GJB7: variants seen among roughly 807,000 people sequenced by gnomAD.
GJB7 encodes gap junction protein beta 7.
For synonymous variants in GJB7, 87 were observed against 95.2 expected (o/e 0.91, Z 0.50); for missense variants, 253 against 256.8 (o/e 0.99, Z 0.10).
intron 2 of GJB7, among the ~76,000 whole-genome samples, chr6:87,288,412 G>T (rs937519037): frequency 6.6e-6 from 1 of 152,134 alleles, no homozygotes; most frequent in African/African-American, 2.4e-5. Flanking sequence ...ACATCTGGAA[G>T]GTTACCATGT....
At chr6:87,290,337 C>G (rs1014613047) in intron 2 of GJB7, among the ~76,000 whole-genome samples, 17 of 152,110 alleles carry the variant, frequency 1.1e-4, no homozygotes, top group Non-Finnish European at 1.9e-4. Flanking sequence ...TCATCTAACC[C>G]CTGAAGAAAA....
chr6:87,310,648 GAAATA>G (rs1006022869), intron 2 of GJB7, among the ~76,000 whole-genome samples: 3 of 147,310 alleles, frequency 2.0e-5, no homozygotes, highest in African/African-American at 8.0e-5. Context: ...AAAACATATT[GAAATA>G]AAAAAAAATA....
At chr6:87,324,537 C>A (rs1182153569) in intron 1 of GJB7, among the ~76,000 whole-genome samples, 1 of 150,832 alleles carries the variant, frequency 6.6e-6, no homozygotes, top group East Asian at 1.9e-4. Context: ...ATCCTTTCCC[C>A]ATTGCTTGTT....
chr6:87,298,893 G>A (rs900483342), intron 2 of GJB7: 28 of 412,354 alleles, frequency 6.8e-5, no homozygotes, highest in Non-Finnish European at 1.1e-4. Flanking sequence ...TACTGCTTCA[G>A]GGTGTAGACT....
chr6:87,308,781 A>G (rs1363761217), intron 2 of GJB7, among the ~76,000 whole-genome samples: 2 of 152,146 alleles, frequency 1.3e-5, no homozygotes, highest in Admixed American at 6.5e-5. Context: ...AAAACCAGAG[A>G]CAGAGAAGAC....
chr6:87,293,202 T>A (rs942028931), intron 2 of GJB7, among the ~76,000 whole-genome samples: 2 of 152,120 alleles, frequency 1.3e-5, no homozygotes, highest in African/African-American at 4.8e-5. Context: ...CAGCTAATTT[T>A]TTTATTTTTA....
chr6:87,307,504 A>G (rs1239883851), intron 2 of GJB7, among the ~76,000 whole-genome samples: 1 of 152,234 alleles, frequency 6.6e-6, no homozygotes, highest in Non-Finnish European at 1.5e-5. Flanking sequence ...TCCAGAATCT[A>G]CAAGGAACTC....
intron 2 of GJB7, among the ~76,000 whole-genome samples, chr6:87,305,006 G>C (rs1776401468): frequency 1.3e-5 from 2 of 152,162 alleles, no homozygotes; most frequent in African/African-American, 4.8e-5. Context: ...CAATAAATTA[G>C]GTATTGATTG....
chr6:87,324,771 A>C (rs181303100), intron 1 of GJB7, among the ~76,000 whole-genome samples: 1 of 152,130 alleles, frequency 6.6e-6, no homozygotes, highest in Non-Finnish European at 1.5e-5. Flanking sequence ...TTGGTTCCAT[A>C]TGAACTTTAA....
chr6:87,325,658 T>A (rs1270887793), intron 1 of GJB7, among the ~76,000 whole-genome samples: 3 of 151,718 alleles, frequency 2.0e-5, no homozygotes, highest in African/African-American at 7.3e-5. Context: ...TGCTGCTGGA[T>A]TCCGTTTGCC....
intron 2 of GJB7, among the ~76,000 whole-genome samples, chr6:87,317,430 T>C (rs1776599158): frequency 1.6e-5 from 2 of 127,542 alleles, no homozygotes; most frequent in Non-Finnish European, 3.5e-5. Context: ...CTTTAATCTT[T>C]TCCTTTTTTT....
At chr6:87,309,665 G>T (rs539484427) in intron 2 of GJB7, among the ~76,000 whole-genome samples, 1 of 152,092 alleles carries the variant, frequency 6.6e-6, no homozygotes, top group Non-Finnish European at 1.5e-5. Flanking sequence ...GAGATGTATT[G>T]ATCAGAGAAG....
chr6:87,309,539 T>C (rs1168358141), intron 2 of GJB7, among the ~76,000 whole-genome samples: 1 of 152,102 alleles, frequency 6.6e-6, no homozygotes, highest in Non-Finnish European at 1.5e-5. Flanking sequence ...GTCTCTTCCG[T>C]GGTGAGCAGG....
In GJB7 at chr6:87,284,661, G is replaced by A. The variant is rs750970123; in HGVS notation, c.252C>T (p.Val84=). ...VRLWALQLIM[V]STPSLLVVLH... is the part of the protein sequence containing the mutation. The stretch of plus-strand genomic sequence containing the variant: ...AAACCACCAGAAGTGAAGGTGTGGA[G>A]ACCATTATCAGTTGTAAGGCCCAAA... Residue 84 remains valine (V), a synonymous_variant, in exon 3 of 3, where the codon GTC becomes GTT. Transcript: ENST00000525899. The A allele has an allele frequency of 1.2e-6, 2 of 1,614,036 alleles. No individual in the cohort carries two copies. Among genetic ancestry groups the A allele is most frequent in the African/African-American group, 1.3e-5 (1 of 74,910 alleles).
At position 87,284,699 on chromosome 6, in the gene GJB7, A is replaced by G; in HGVS notation, c.214T>C (p.Ser72Pro). 2 of 1,614,098 alleles carry G rather than the reference A, an allele frequency of 1.2e-6. No individual in the cohort carries two copies. Among genetic ancestry groups the G allele is most frequent in the Non-Finnish European group, 1.7e-6 (2 of 1,180,004 alleles). ...TGTAAGGCCCAAAGTCTGACTTGGGAAATGGGGAAGAAGTCATCAAAACAC... is the reference window on the plus strand; with the variant it reads ...TGTAAGGCCCAAAGTCTGACTTGGGGAATGGGGAAGAAGTCATCAAAACAC... ...NVCFDDFFPI[S>P]QVRLWALQLI... is the part of the protein sequence containing the mutation. Residue 72 changes from serine to proline, a missense_variant, in exon 3 of 3, where the codon TCC becomes CCC. Physicochemically the swap from Ser to Pro is moderately conservative, Grantham distance 74. Transcript: ENST00000525899.
intron 2 of GJB7, among the ~76,000 whole-genome samples, chr6:87,286,353 C>A (rs947121588): frequency 9.9e-5 from 15 of 152,182 alleles, no homozygotes; most frequent in Admixed American, 9.2e-4. Flanking sequence ...ATCCTAGACT[C>A]CTCTCTCATG....
chr6:87,305,595 T>C (rs1776412483), intron 2 of GJB7, among the ~76,000 whole-genome samples: 1 of 152,090 alleles, frequency 6.6e-6, no homozygotes, highest in African/African-American at 2.4e-5. Context: ...AAAATGGCCA[T>C]ACTGCCCAAG....
intron 2 of GJB7, among the ~76,000 whole-genome samples, chr6:87,297,824 C>A (rs1305920358): frequency 6.6e-6 from 1 of 152,146 alleles, no homozygotes; most frequent in African/African-American, 2.4e-5. Context: ...AGGGTCAGGG[C>A]AAATGAGGAG....
In GJB7 at chr6:87,283,692, C is replaced by A. The variant is rs1199518787; in HGVS notation, c.*549G>T. 1 of 152,888 alleles carries A rather than the reference C, an allele frequency of 6.5e-6. No homozygotes were observed. Among genetic ancestry groups the A allele is most frequent in the Non-Finnish European group, 1.5e-5 (1 of 68,596 alleles). 9.5% of individuals were successfully genotyped at this position (152,888 alleles called of 1,614,324 possible). ...AGGACAGGGAGTGGGGCCTTGGCTG[C>A]CACTTTGGAAAGATTGCCAGTTCCT... On this transcript the variant is annotated 3_prime_UTR_variant, in exon 3 of 3. Transcript: ENST00000525899.
Sources: allele counts gnomAD v4.1 joint callset (sites outside exome capture counted in the v4.1 genomes callset), GRCh38; gene constraint gnomAD v4.1.1; transcripts MANE v1.5; gene names NCBI Gene and HGNC (gene_info 2026-07-23, HGNC 2026-07-21).